PDPN: variants seen among roughly 807,000 people sequenced by gnomAD.
PDPN encodes PA2.26 antigen.
Under a neutral mutation model 23.2 loss-of-function variants are expected in PDPN, and 12 were observed. The observed-to-expected ratio is 0.52, with a 90% confidence interval of 0.33 to 0.84. PDPN has a LOEUF of 0.84. PDPN is among the 40% of genes least tolerant of loss of function. The pLI, the probability that PDPN is intolerant of heterozygous loss-of-function variation, is 0.02. For missense variants in PDPN, 199 were observed against 212.2 expected (o/e 0.94, Z 0.39); for synonymous variants, 77 against 76.7 (o/e 1.00, Z -0.02).
In PDPN at chr1:13,616,523, AT is replaced by A. The variant is rs1470798884; in HGVS notation, c.*616del. 1.3e-5 allele frequency: 2 copies of A among 152,920 alleles called. No homozygotes were observed. Among genetic ancestry groups the A allele is most frequent in the African/African-American group, 4.8e-5 (2 of 41,464 alleles). The allele number at this position is 152,920 out of a possible 1,614,324, so 9.5% of individuals were successfully genotyped here. ...CAGATTAATCATTTCAAAGACATCC[AT>A]TTTAGATCACAAGCAGGAAGTCGAT... On this transcript the variant is annotated 3_prime_UTR_variant, in exon 6 of 6. Transcript: ENST00000621990.
At chr1:13,598,847 A>G (rs910738826) in intron 1 of PDPN, among the ~76,000 whole-genome samples, 4 of 152,096 alleles carry the variant, frequency 2.6e-5, no homozygotes, top group African/African-American at 9.7e-5. Context: ...GATTTCAGAC[A>G]TTGTGGACAT....
chr1:13,607,784 C>T (rs2100268848), intron 2 of PDPN, among the ~76,000 whole-genome samples: 3 of 152,232 alleles, frequency 2.0e-5, no homozygotes, highest in East Asian at 3.9e-4. Context: ...GGTGTTGTGG[C>T]AATGTCATTG....
intron 1 of PDPN, among the ~76,000 whole-genome samples, chr1:13,593,935 CTG>C (rs879773346): frequency 1.9e-4 from 29 of 152,354 alleles, no homozygotes; most frequent in Middle Eastern, 3.4e-3. Flanking sequence ...GTCTACAAAA[CTG>C]TGAACTCATT....
chr1:13,600,144 C>T (rs562147277), intron 1 of PDPN, among the ~76,000 whole-genome samples: 2 of 152,192 alleles, frequency 1.3e-5, no homozygotes, highest in South Asian at 2.1e-4. Context: ...TCCTGACTAC[C>T]AGGAACGTGA....
chr1:13,606,642 T>C (rs958804065), intron 1 of PDPN, among the ~76,000 whole-genome samples: 3 of 152,072 alleles, frequency 2.0e-5, no homozygotes, highest in African/African-American at 7.2e-5. Context: ...TACTCTAGCC[T>C]CAGCAACAGA....
At chr1:13,615,282 C>CTTTCTT (rs1302469245) in intron 5 of PDPN, among the ~76,000 whole-genome samples, 10 of 134,800 alleles carry the variant, frequency 7.4e-5, no homozygotes, top group African/African-American at 3.1e-4. Flanking sequence ...TTTTCTTTCT[C>CTTTCTT]TTTCTTTTTC....
chr1:13,595,104 T>G (rs933714638), intron 1 of PDPN, among the ~76,000 whole-genome samples: 2 of 151,950 alleles, frequency 1.3e-5, no homozygotes, highest in African/African-American at 4.8e-5. Context: ...TTAAAACACC[T>G]CGTGGATTGT....
intron 1 of PDPN, among the ~76,000 whole-genome samples, chr1:13,599,534 C>T (rs1640588767): frequency 1.3e-5 from 2 of 151,754 alleles, no homozygotes; most frequent in South Asian, 4.2e-4. Context: ...TACAGAGGCC[C>T]ACCATCACGC....
At chr1:13,605,029 T>C (rs1640746313) in intron 1 of PDPN, among the ~76,000 whole-genome samples, 1 of 152,238 alleles carries the variant, frequency 6.6e-6, no homozygotes, top group Non-Finnish European at 1.5e-5. Flanking sequence ...AAGCCATCTC[T>C]ACTGGATTAG....
intron 1 of PDPN, among the ~76,000 whole-genome samples, chr1:13,598,316 C>G (rs915799910): frequency 2.6e-5 from 4 of 152,084 alleles, no homozygotes; most frequent in Non-Finnish European, 5.9e-5. Context: ...CATGCCTGTC[C>G]CGCATTTATT....
At chr1:13,596,277 T>C (rs1013422070) in intron 1 of PDPN, among the ~76,000 whole-genome samples, 23 of 151,666 alleles carry the variant, frequency 1.5e-4, no homozygotes, top group Non-Finnish European at 1.5e-5. Context: ...GCTAAATACC[T>C]ACCATGGTGC....
At chr1:13,603,909 TCA>T (rs1427963272) in intron 1 of PDPN, among the ~76,000 whole-genome samples, 1 of 152,148 alleles carries the variant, frequency 6.6e-6, no homozygotes, top group Non-Finnish European at 1.5e-5. Context: ...TTTAAAATAA[TCA>T]CAACAACAAC....
chr1:13,606,371 C>T (rs1162123323), intron 1 of PDPN, among the ~76,000 whole-genome samples: 1 of 152,202 alleles, frequency 6.6e-6, no homozygotes, highest in Non-Finnish European at 1.5e-5. Context: ...TACTGACCCT[C>T]CCCTGTAGAC....
intron 1 of PDPN, among the ~76,000 whole-genome samples, chr1:13,600,642 G>C (rs1339574939): frequency 2.0e-5 from 3 of 152,152 alleles, no homozygotes; most frequent in African/African-American, 4.8e-5. Flanking sequence ...TGGGATTATA[G>C]ACGTGAGCCA....
At chr1:13,605,901 G>T (rs1421295476) in intron 1 of PDPN, among the ~76,000 whole-genome samples, 2 of 152,088 alleles carry the variant, frequency 1.3e-5, no homozygotes. Flanking sequence ...GGTTACAGGC[G>T]TGAGCCACCA....
At chr1:13,599,257 C>G (rs532154449) in intron 1 of PDPN, among the ~76,000 whole-genome samples, 1 of 152,014 alleles carries the variant, frequency 6.6e-6, no homozygotes, top group African/African-American at 2.4e-5. Context: ...GATCCACCTG[C>G]ATCAGCCTCC....
At chr1:13,586,526 A>G (rs543668688) in intron 1 of PDPN, among the ~76,000 whole-genome samples, 5 of 152,220 alleles carry the variant, frequency 3.3e-5, no homozygotes, top group Admixed American at 6.5e-5. Flanking sequence ...GTGACTCTAC[A>G]CTGTAGAATT....
At chr1:13,585,377 C>A in intron 1 of PDPN, 1 of 637,892 alleles carries the variant, frequency 1.6e-6, no homozygotes, top group Non-Finnish European at 2.3e-6. Context: ...TTTATAGGGG[C>A]CGTGGGTTAT....
At chr1:13,601,106 G>C (rs962637005) in intron 1 of PDPN, among the ~76,000 whole-genome samples, 1 of 152,198 alleles carries the variant, frequency 6.6e-6, no homozygotes, top group Non-Finnish European at 1.5e-5. Context: ...AAATGCACCT[G>C]TTTGAATACT....
Sources: gnomAD v4.1 joint callset for allele counts (sites outside exome capture counted in the v4.1 genomes callset) on GRCh38, gnomAD v4.1.1 for gene constraint, MANE v1.5 for transcripts, NCBI Gene and HGNC (gene_info 2026-07-23, HGNC 2026-07-21) for gene names.